Variants in NUDCD3 observed in about 807,000 individuals in gnomAD.
NUDCD3 encodes the protein nudC domain-containing protein 3.
A neutral mutation model predicts 39.7 loss-of-function variants in NUDCD3; 13 were observed. The ratio of observed to expected loss-of-function variants is 0.33; its 90% confidence interval spans 0.21 to 0.52. The LOEUF is 0.52. Among genes scored for constraint, NUDCD3 ranks in the 20% least tolerant of loss-of-function variants. The pLI is 0.96. For synonymous variants in NUDCD3, 175 were observed against 172.4 expected (o/e 1.02, Z -0.12); for missense variants, 453 against 458.1 (o/e 0.99, Z 0.10).
chr7:44,426,290 G>A (rs1799233575), intron 3 of NUDCD3: 2 of 329,474 alleles, frequency 6.1e-6, no homozygotes, highest in Non-Finnish European at 8.7e-6. Flanking sequence ...CTGGGGAAAG[G>A]AGAATGGTTG....
At position 44,385,421 on chromosome 7, in the gene NUDCD3, G is replaced by C. The variant is rs1424817223; in HGVS notation, c.*590C>G. ...ACAGGGCTCCAGTCTCCACTGCTCT[G>C]ACCATGAGGCTGAGGCAGGCAAAGC... On this transcript the variant is annotated 3_prime_UTR_variant, in exon 6 of 6. Transcript: ENST00000355451. 6.5e-6 allele frequency: 1 copy of C among 152,996 alleles called. No individual in the cohort carries two copies. Among genetic ancestry groups the C allele is most frequent in the Non-Finnish European group, 1.5e-5 (1 of 68,732 alleles). 9.5% of individuals were successfully genotyped at this position (152,996 alleles called of 1,614,324 possible).
chr7:44,402,037 A>T (rs568911094), intron 4 of NUDCD3, among the ~76,000 whole-genome samples: 1 of 152,314 alleles, frequency 6.6e-6, no homozygotes, highest in East Asian at 1.9e-4. Flanking sequence ...AGAGCCTTTC[A>T]GCTGAAACGG....
chr7:44,411,915 C>T (rs755038778), intron 3 of NUDCD3, among the ~76,000 whole-genome samples: 45 of 152,316 alleles, frequency 3.0e-4, no homozygotes, highest in South Asian at 8.3e-4. Flanking sequence ...AATACAGAGA[C>T]GCCTCTTTCT....
chr7:44,424,807 A>G (rs1008244393), intron 3 of NUDCD3, among the ~76,000 whole-genome samples: 2 of 152,228 alleles, frequency 1.3e-5, no homozygotes, highest in African/African-American at 4.8e-5. Flanking sequence ...TACCCAAAGG[A>G]TTATAAATCA....
At chr7:44,421,316 G>A (rs1799133040) in intron 3 of NUDCD3, among the ~76,000 whole-genome samples, 1 of 130,914 alleles carries the variant, frequency 7.6e-6, no homozygotes, top group South Asian at 2.7e-4. Flanking sequence ...ATGGGCAACA[G>A]AGCAAGACTC....
chr7:44,444,285 A>G (rs1466775545), intron 2 of NUDCD3, among the ~76,000 whole-genome samples: 1 of 152,218 alleles, frequency 6.6e-6, no homozygotes, highest in Non-Finnish European at 1.5e-5. Flanking sequence ...AGAAAGCCAG[A>G]AAAAGTAAAG....
intron 2 of NUDCD3, among the ~76,000 whole-genome samples, chr7:44,447,586 C>T (rs1343480339): frequency 6.6e-6 from 1 of 152,212 alleles, no homozygotes. Context: ...TCAGGCCCAT[C>T]TTAGAAGCAG....
At position 44,385,413 on chromosome 7, in the gene NUDCD3, A is replaced by G. The variant is rs1585045660; in HGVS notation, c.*598T>C. On this transcript the variant is annotated 3_prime_UTR_variant, in exon 6 of 6. Transcript: ENST00000355451. ...ACGTGCAAACAGGGCTCCAGTCTCC[A>G]CTGCTCTGACCATGAGGCTGAGGCA... 1.3e-5 allele frequency: 2 copies of G among 152,816 alleles called. No individual in the cohort carries two copies. Among genetic ancestry groups the G allele is most frequent in the East Asian group, 3.9e-4 (2 of 5,188 alleles). The allele number at this position is 152,816 out of a possible 1,614,324, so 9.5% of individuals were successfully genotyped here. A position where few individuals can be genotyped will look rare whatever the true frequency, so the allele number is the denominator to read the frequency against.
At chr7:44,406,568 T>C (rs1208718454) in intron 3 of NUDCD3, among the ~76,000 whole-genome samples, 1 of 152,190 alleles carries the variant, frequency 6.6e-6, no homozygotes, top group African/African-American at 2.4e-5. Flanking sequence ...CCCAGCTCTA[T>C]ATAACATAAT....
chr7:44,486,694 C>T (rs1800618063), intron 1 of NUDCD3, among the ~76,000 whole-genome samples: 1 of 152,210 alleles, frequency 6.6e-6, no homozygotes, highest in Non-Finnish European at 1.5e-5. Flanking sequence ...AGATCTTCAT[C>T]TTAACTCCAC....
chr7:44,419,207 A>T (rs1799089362), intron 3 of NUDCD3, among the ~76,000 whole-genome samples: 1 of 152,048 alleles, frequency 6.6e-6, no homozygotes, highest in Non-Finnish European at 1.5e-5. Context: ...AACAGTGCTA[A>T]AGAGGCCTGG....
At chr7:44,436,987 G>A (rs1049958027) in intron 2 of NUDCD3, among the ~76,000 whole-genome samples, 5 of 148,662 alleles carry the variant, frequency 3.4e-5, no homozygotes, top group Non-Finnish European at 5.9e-5. Context: ...CTAAAAGAGA[G>A]TTACATCATT....
At chr7:44,448,128 C>G (rs773928451) in intron 2 of NUDCD3, among the ~76,000 whole-genome samples, 7 of 152,230 alleles carry the variant, frequency 4.6e-5, no homozygotes, top group Non-Finnish European at 1.0e-4. Flanking sequence ...TGACTGTAGT[C>G]TACTCCCATG....
chr7:44,442,892 A>G (rs940816345), intron 2 of NUDCD3, among the ~76,000 whole-genome samples: 1 of 151,960 alleles, frequency 6.6e-6, no homozygotes, highest in Non-Finnish European at 1.5e-5. Context: ...TTAGTAGAGA[A>G]GGGGTTTCAC....
At chr7:44,477,675 G>A (rs570455835) in intron 2 of NUDCD3, among the ~76,000 whole-genome samples, 11 of 152,156 alleles carry the variant, frequency 7.2e-5, no homozygotes, top group Non-Finnish European at 1.3e-4. Flanking sequence ...TAGTGACTAC[G>A]TCATAAGATG....
At chr7:44,398,616 G>A (rs1250072617) in intron 4 of NUDCD3, among the ~76,000 whole-genome samples, 1 of 152,156 alleles carries the variant, frequency 6.6e-6, no homozygotes, top group Non-Finnish European at 1.5e-5. Context: ...CCCCCAATCT[G>A]CGCTGATGAC....
chr7:44,401,364 C>T (rs756046137), intron 4 of NUDCD3, among the ~76,000 whole-genome samples: 13 of 152,202 alleles, frequency 8.5e-5, no homozygotes, highest in Non-Finnish European at 1.6e-4. Context: ...ATAATTATAT[C>T]AAGAAGACAA....
At chr7:44,432,632 C>T (rs984152166) in intron 2 of NUDCD3, among the ~76,000 whole-genome samples, 2 of 152,196 alleles carry the variant, frequency 1.3e-5, no homozygotes, top group Non-Finnish European at 2.9e-5. Flanking sequence ...TTTGTCAACC[C>T]CCTCTCCACC....
intron 2 of NUDCD3, among the ~76,000 whole-genome samples, chr7:44,452,289 A>T (rs528477836): frequency 3.3e-5 from 5 of 152,298 alleles, no homozygotes; most frequent in Admixed American, 2.0e-4. Context: ...CAAAAATATA[A>T]AAGTTAGCTG....
Sources: gnomAD v4.1 joint callset for allele counts (sites outside exome capture counted in the v4.1 genomes callset) on GRCh38, gnomAD v4.1.1 for gene constraint, MANE v1.5 for transcripts, NCBI Gene and HGNC (gene_info 2026-07-23, HGNC 2026-07-21) for gene names.